MGST1: variants seen among roughly 807,000 people sequenced by gnomAD.
MGST1 encodes the protein microsomal glutathione S-transferase 1.
A neutral mutation model predicts 8.9 loss-of-function variants in MGST1; 5 were observed. The ratio of observed to expected loss-of-function variants is 0.56; its 90% CI spans 0.29 to 1.19. The LOEUF is 1.19. Among genes scored for constraint, MGST1 ranks in the 50% most tolerant of loss-of-function variants. The pLI is 0.08. For missense variants in MGST1, 182 were observed against 187.4 expected (o/e 0.97, Z 0.17); for synonymous variants, 54 against 67.8 (o/e 0.80, Z 1.00).
At chr12:16,447,668 C>A (rs1941090869) in intron 4 of MGST1, among the ~76,000 whole-genome samples, 1 of 151,898 alleles carries the variant, frequency 6.6e-6, no homozygotes, top group Non-Finnish European at 1.5e-5. Context: ...TATACACTTT[C>A]CCAGCAGCCA....
chr12:16,467,531 C>G (rs1010979834), intron 4 of MGST1, among the ~76,000 whole-genome samples: 1 of 152,172 alleles, frequency 6.6e-6, no homozygotes, highest in Non-Finnish European at 1.5e-5. Context: ...GCTAAGAATT[C>G]TAAGAGCCCA....
intron 1 of MGST1, 79 bp from the exon 2 acceptor site, chr12:16,354,152 T>C (rs886267523): frequency 2.0e-6 from 2 of 1,008,726 alleles, no homozygotes; most frequent in South Asian, 1.8e-5. Context: ...AATGCTGCAA[T>C]ATAAGAACAT....
chr12:16,370,925 G>C lies in MGST1; in HGVS notation c.222-5197G>C, dbSNP rs1459700921. ...TTATTAATGAGGTCAAGCTCAATTTGAGTTAAATAGCATTTTGTGGGTTTA... is the reference window on the plus strand; with the variant it reads ...TTATTAATGAGGTCAAGCTCAATTTCAGTTAAATAGCATTTTGTGGGTTTA... On this transcript the variant is annotated intron_variant, in intron 3 of 3. Coordinates refer to the MGST1 transcript ENST00000535309. Among the ~76,000 whole-genome samples, 3 of 152,144 alleles carry C rather than the reference G, an allele frequency of 2.0e-5. No homozygotes were observed. The East Asian group carries it at 5.8e-4, about 29-fold the overall frequency.
chr12:16,468,108 T>A (rs1941266510), intron 4 of MGST1, among the ~76,000 whole-genome samples: 1 of 152,132 alleles, frequency 6.6e-6, no homozygotes, highest in South Asian at 2.1e-4. Context: ...TCCTCTACAA[T>A]GCCCTTGAGG....
In MGST1 at chr12:16,401,963, G is replaced by A. The variant is rs1940659556; in HGVS notation, n.778+18359G>A. ...TTTTGTCAAAGCCTTCTTTGTTGAG[G>A]CAGTCATTCCAGCTCTTCATGAACT... On this transcript the variant is annotated intron_variant and non_coding_transcript_variant, in intron 1 of 1. Transcript: ENST00000359720. This position sits in a 1 kb window ranked among gnomAD's most constrained non-coding sequence, Gnocchi z 4.3. The A allele has an allele frequency of 6.2e-7, 1 of 1,612,056 alleles. No individual in the cohort carries two copies. The highest frequency in any genetic ancestry group is 8.5e-7 in the Non-Finnish European group (1 of 1,178,144).
At chr12:16,463,662 A>G (rs2137127544) in intron 4 of MGST1, among the ~76,000 whole-genome samples, 1 of 151,986 alleles carries the variant, frequency 6.6e-6, no homozygotes, top group Admixed American at 6.5e-5. Flanking sequence ...CAGAAAAAAT[A>G]TTTTGCTCTT....
In MGST1 at chr12:16,587,398, C is replaced by T. The variant is rs745463209; in HGVS notation, n.483-2130C>T. ...CACTTAAACATTTCTGCAATAAAAT[C>T]TTATTGAACTGTTGCTTTCATTAAT... On this transcript the variant is annotated intron_variant and non_coding_transcript_variant, in intron 4 of 4. Coordinates refer to the MGST1 transcript ENST00000538857. The surrounding 1 kb of genome is among the most constrained non-coding windows in gnomAD (Gnocchi z 4.3). Among the ~76,000 whole-genome samples the T allele has an allele frequency of 6.6e-6, 1 of 152,138 alleles. No individual in the cohort carries two copies. The highest frequency in any genetic ancestry group is 1.5e-5 in the Non-Finnish European group (1 of 68,008).
In MGST1 at chr12:16,513,755, G is replaced by A. The variant is rs781511928; in HGVS notation, n.483-75773G>A. The A allele has an allele frequency of 2.2e-5, 13 of 578,006 alleles. No individual in the cohort carries two copies. Among genetic ancestry groups the A allele is most frequent in the Non-Finnish European group, 4.5e-5 (13 of 289,556 alleles). 35.8% of individuals were successfully genotyped at this position (578,006 alleles called of 1,614,324 possible). A position where few individuals can be genotyped will look rare whatever the true frequency, so the allele number is the denominator to read the frequency against. On this transcript the variant is annotated intron_variant and non_coding_transcript_variant, in intron 4 of 4. Coordinates refer to the MGST1 transcript ENST00000538857. The surrounding 1 kb of genome is among the most constrained non-coding windows in gnomAD (Gnocchi z 4.2). ...AATAGCGAAGTCTCGAAAAGTGGCCGGTTTGTCACTGTGCAGACCATTTCT... is the reference window on the plus strand; with the variant it reads ...AATAGCGAAGTCTCGAAAAGTGGCCAGTTTGTCACTGTGCAGACCATTTCT...
At chr12:16,568,870 A>T (rs1942711020) in intron 4 of MGST1, among the ~76,000 whole-genome samples, 1 of 152,182 alleles carries the variant, frequency 6.6e-6, no homozygotes, top group Non-Finnish European at 1.5e-5. Context: ...AAAATTTTCT[A>T]ACTGAAATCC....
chr12:16,370,749 A>G (rs1940278325), intron 3 of MGST1, among the ~76,000 whole-genome samples: 1 of 152,174 alleles, frequency 6.6e-6, no homozygotes, highest in African/African-American at 2.4e-5. Flanking sequence ...CACATTTAAA[A>G]TGAATACATT....
Position 16,585,955 on chromosome 12 carries a change from C to T in MGST1, n.483-3573C>T, listed in dbSNP as rs532491620. ...TCTGGGCGACATTTCACCAGTGAGG[C>T]GGTAGGACATTGTGTGATACAGTAA... On this transcript the variant is annotated intron_variant and non_coding_transcript_variant, in intron 4 of 4. Transcript: ENST00000538857. The surrounding 1 kb of genome is among the most constrained non-coding windows in gnomAD (Gnocchi z 4.7). Among the ~76,000 whole-genome samples, 42 of 152,196 alleles carry T rather than the reference C, an allele frequency of 2.8e-4. No homozygotes were observed. Among genetic ancestry groups the T allele is most frequent in the African/African-American group, 5.8e-4 (24 of 41,530 alleles).
intron 1 of MGST1, among the ~76,000 whole-genome samples, chr12:16,434,669 T>G (rs1175605760): frequency 6.6e-6 from 1 of 152,070 alleles, no homozygotes; most frequent in African/African-American, 2.4e-5. Flanking sequence ...TTTCTTTCTT[T>G]TCTTTTTTTT....
downstream of MGST1, among the ~76,000 whole-genome samples, chr12:16,440,409 C>A (rs550206908): frequency 1.3e-5 from 2 of 151,884 alleles, no homozygotes; most frequent in South Asian, 4.1e-4. Context: ...CTTCTCCCTG[C>A]CACTAGAGGT....
chr12:16,556,765 A>C (rs1011167629), intron 4 of MGST1, among the ~76,000 whole-genome samples: 3 of 152,190 alleles, frequency 2.0e-5, no homozygotes, highest in Non-Finnish European at 4.4e-5. Flanking sequence ...CCTGGGTAAC[A>C]AAATTTGTCT....
chr12:16,362,925 C>G lies in MGST1; in HGVS notation c.222-870C>G, dbSNP rs1350525251. 2.0e-5 allele frequency: 3 copies of G among 152,052 alleles called. No homozygotes were observed. The highest frequency in any genetic ancestry group is 2.9e-5 in the Non-Finnish European group (2 of 68,018). The allele number at this position is 152,052 out of a possible 1,614,324, so 9.4% of individuals were successfully genotyped here. ...TTCAGCCTGAGCAACAGAGCAAGAC[C>G]CCCTCTCTAAAAACAACAATAGCAA... On this transcript the variant is annotated intron_variant, in intron 3 of 3. Coordinates refer to ENST00000396210, the MANE Select transcript of MGST1 (RefSeq NM_020300.5). This position sits in a 1 kb window ranked among gnomAD's most constrained non-coding sequence, Gnocchi z 4.4.
intron 4 of MGST1, among the ~76,000 whole-genome samples, chr12:16,516,772 G>A (rs1329354234): frequency 2.0e-5 from 3 of 152,090 alleles, no homozygotes; most frequent in Non-Finnish European, 4.4e-5. Context: ...GTACTTGCAG[G>A]TCTAGGATGG....
chr12:16,472,736 G>C (rs1442047623), intron 4 of MGST1, among the ~76,000 whole-genome samples: 1 of 152,110 alleles, frequency 6.6e-6, no homozygotes, highest in Admixed American at 6.5e-5. Flanking sequence ...GGGATACTTA[G>C]GTAGTGAATG....
chr12:16,542,823 T>A (rs1941800477), intron 4 of MGST1, among the ~76,000 whole-genome samples: 1 of 152,206 alleles, frequency 6.6e-6, no homozygotes, highest in Non-Finnish European at 1.5e-5. Context: ...TCAACATCTG[T>A]GATGGCTTTC....
chr12:16,398,186 A>C (rs1413695376), intron 1 of MGST1, among the ~76,000 whole-genome samples: 1 of 152,122 alleles, frequency 6.6e-6, no homozygotes, highest in Non-Finnish European at 1.5e-5. Context: ...ACAAACAAAC[A>C]TAAAATCCGA....
Sources: allele counts gnomAD v4.1 joint callset (sites outside exome capture counted in the v4.1 genomes callset), GRCh38; gene constraint gnomAD v4.1.1; non-coding constraint Gnocchi (gnomAD v3.1); transcripts MANE v1.5; gene names NCBI Gene and HGNC (gene_info 2026-07-23, HGNC 2026-07-21).